The following ASPH variants were observed in gnomAD, a reference collection of about 807,000 sequenced individuals.
ASPH encodes the protein aspartate beta-hydroxylase, also known as aspartyl/asparaginyl beta-hydroxylase.
ASPH carries 100 observed loss-of-function variants against 118.4 expected under a neutral mutation model. The observed-to-expected ratio is 0.84, with a 90% CI of 0.72 to 1.00. The LOEUF (loss-of-function observed/expected upper bound fraction) is 1.00. Among genes scored for constraint, ASPH ranks in the 50% least tolerant of loss-of-function variants. The pLI, the probability that ASPH is intolerant of heterozygous loss-of-function variation, is 0.00. For synonymous variants in ASPH, 315 were observed against 325.6 expected (o/e 0.97, Z 0.35); for missense variants, 920 against 919.5 (o/e 1.00, Z -0.01).
chr8:61,584,378 T>C (rs1236166791), intron 14 of ASPH, among the ~76,000 whole-genome samples: 1 of 152,216 alleles, frequency 6.6e-6, no homozygotes, highest in Non-Finnish European at 1.5e-5. Context: ...TCCAAAAGAT[T>C]GTTTAAAATA....
At chr8:61,700,126 T>C (rs141826459) in intron 1 of ASPH, among the ~76,000 whole-genome samples, 382 of 152,248 alleles carry the variant, frequency 2.5e-3, no homozygotes, top group African/African-American at 8.3e-3. Flanking sequence ...GCCCAGGGGA[T>C]TGAGGGTGGA....
chr8:61,582,927 T>C (rs2132483035), intron 15 of ASPH: 1 of 152,320 alleles, frequency 6.6e-6, no homozygotes, highest in African/African-American at 2.4e-5. Context: ...TATGATTAAA[T>C]ACATTATAAT....
At position 61,663,526 on chromosome 8, in the gene ASPH, A is replaced by T. The variant is rs938450404; in HGVS notation, c.323-9866T>A. On this transcript the variant is annotated intron_variant, in intron 3 of 24. Coordinates refer to ENST00000379454, the MANE Select transcript of ASPH (RefSeq NM_004318.4). ...CTTAGGAAGTGAGCTAAGAGGAAAA[A>T]GAACTCTGATTCCAGGTCTAGACTT... 3 of 985,414 alleles carry T rather than the reference A, an allele frequency of 3.0e-6. No individual in the cohort carries two copies. In the South Asian group the frequency reaches 1.4e-4, roughly 46 times the overall value. 61.0% of individuals were successfully genotyped at this position (985,414 alleles called of 1,614,324 possible).
intron 24 of ASPH, among the ~76,000 whole-genome samples, chr8:61,508,061 C>T (rs1034140701): frequency 6.2e-4 from 94 of 152,278 alleles, no homozygotes; most frequent in African/African-American, 2.2e-3. Flanking sequence ...GTCACCCAGG[C>T]TGGAGTGTGG....
chr8:61,664,066 T>C (rs1801337274), intron 3 of ASPH: 2 of 972,642 alleles, frequency 2.1e-6, no homozygotes, highest in South Asian at 4.7e-5. Flanking sequence ...GAATCAAAAA[T>C]GCTACCACAG....
At chr8:61,539,993 C>T (rs963900631) in intron 21 of ASPH, among the ~76,000 whole-genome samples, 1 of 151,924 alleles carries the variant, frequency 6.6e-6, no homozygotes, top group African/African-American at 2.4e-5. Flanking sequence ...ATTTTTGTTT[C>T]AATTTCTATG....
At chr8:61,663,612 CCT>C in intron 3 of ASPH, 2 of 985,348 alleles carry the variant, frequency 2.0e-6, no homozygotes, top group Non-Finnish European at 2.4e-6. Context: ...TGTAGAATTC[CCT>C]TTTTGGTTTA....
At chr8:61,638,502 A>C in intron 10 of ASPH, 139 bp from the exon 11 acceptor site, 1 of 728,632 alleles carries the variant, frequency 1.4e-6, no homozygotes, top group Non-Finnish European at 2.3e-6. Context: ...AGCCGACTAG[A>C]GAGTAGGGTG....
intron 14 of ASPH, among the ~76,000 whole-genome samples, chr8:61,592,468 A>C (rs1384955559): frequency 6.6e-6 from 1 of 152,224 alleles, no homozygotes; most frequent in African/African-American, 2.4e-5. Context: ...AAGAGCTTTG[A>C]GGCCATGCTA....
chr8:61,606,067 T>C (rs916570366), intron 14 of ASPH, among the ~76,000 whole-genome samples: 6 of 152,286 alleles, frequency 3.9e-5, no homozygotes, highest in Non-Finnish European at 7.4e-5. Flanking sequence ...CTGGGTCCTA[T>C]ACTGCTTGAC....
At chr8:61,577,103 A>C (rs1214982911) in intron 15 of ASPH, among the ~76,000 whole-genome samples, 1 of 151,946 alleles carries the variant, frequency 6.6e-6, no homozygotes, top group East Asian at 1.9e-4. Flanking sequence ...GCATGTTCTC[A>C]CTCATAGATG....
chr8:61,583,259 AT>A (rs1838158215), intron 15 of ASPH: 2 of 151,562 alleles, frequency 1.3e-5, no homozygotes, highest in African/African-American at 4.8e-5. Flanking sequence ...TGTTATTATT[AT>A]TATTATTATT....
At chr8:61,691,698 A>T (rs140034029) in intron 1 of ASPH, among the ~76,000 whole-genome samples, 107 of 152,234 alleles carry the variant, frequency 7.0e-4, no homozygotes, top group African/African-American at 2.3e-3. Flanking sequence ...TTCTCCATTA[A>T]ATTTGATTTG....
intron 14 of ASPH, among the ~76,000 whole-genome samples, chr8:61,590,586 GTA>G (rs1395541322): frequency 1.4e-5 from 2 of 146,304 alleles, no homozygotes; most frequent in Non-Finnish European, 3.0e-5. Context: ...GTGTGTGTGT[GTA>G]TGAATTTCTC....
Position 61,625,791 on chromosome 8 carries a change from C to T in ASPH, c.935-6772G>A, listed in dbSNP as rs182833905. ...CACAGCTAATGATGATCTCTGTTAG[C>T]GTTTTTAAGAGTGCTAACACAAAGT... On this transcript the variant is annotated intron_variant, in intron 13 of 24. Transcript: ENST00000379454. The T allele has an allele frequency of 3.2e-4, 315 of 986,056 alleles. 1 individual carries two copies. The African/African-American group carries it at 4.8e-3, about 15-fold the overall frequency. The allele number at this position is 986,056 out of a possible 1,614,324, so 61.1% of individuals were successfully genotyped here.
intron 21 of ASPH, among the ~76,000 whole-genome samples, chr8:61,531,607 G>A (rs1331210193): frequency 6.6e-6 from 1 of 151,844 alleles, no homozygotes; most frequent in Admixed American, 6.6e-5. Flanking sequence ...TATATTCAAA[G>A]TGAACAAGGC....
At chr8:61,574,171 T>C (rs1834355624) in intron 16 of ASPH, among the ~76,000 whole-genome samples, 1 of 152,192 alleles carries the variant, frequency 6.6e-6, no homozygotes, top group Admixed American at 6.5e-5. Context: ...CCAGTTAGAA[T>C]GGCGATCATT....
rs1342815092 is a variant in ASPH, at chr8:61,642,891, G to C, written c.787C>G (p.Gln263Glu). Residue 263 changes from glutamine (Q) to glutamate (E), a missense_variant, in exon 10 of 25, where the codon CAA becomes GAA. By Grantham distance (29) the Gln-to-Glu change is conservative. Transcript: ENST00000379454. ...DDVTYQVYEE[Q>E]AVYEPLENEG... ...AAAAAAGAAAGCATTTGCAAACCTTGTTCCTCATAGACTTGGTATGTTACA... is the reference window on the plus strand; with the variant it reads ...AAAAAAGAAAGCATTTGCAAACCTTCTTCCTCATAGACTTGGTATGTTACA... 26 of 1,476,864 alleles carry C rather than the reference G, an allele frequency of 1.8e-5. No homozygotes were observed. Among genetic ancestry groups the C allele is most frequent in the Non-Finnish European group, 2.4e-5 (26 of 1,096,462 alleles). 91.5% of individuals were successfully genotyped at this position (1,476,864 alleles called of 1,614,324 possible).
chr8:61,682,873 A>AT (rs1589146496), intron 2 of ASPH, among the ~76,000 whole-genome samples: 2 of 152,094 alleles, frequency 1.3e-5, no homozygotes, highest in East Asian at 3.9e-4. Flanking sequence ...ACAAGTGTGC[A>AT]TTTTTTCCAG....
Sources: allele counts gnomAD v4.1 joint callset (sites outside exome capture counted in the v4.1 genomes callset), GRCh38; gene constraint gnomAD v4.1.1; transcripts MANE v1.5; gene names NCBI Gene and HGNC (gene_info 2026-07-23, HGNC 2026-07-21).